SULT4A1: variants seen among roughly 807,000 people sequenced by gnomAD.
The protein encoded by SULT4A1 is sulfotransferase 4A1.
In SULT4A1, 11 loss-of-function variants were observed where a neutral mutation model predicts 35.2. The observed-to-expected ratio is 0.31, with a 90% CI of 0.20 to 0.52. The LOEUF is 0.52. Among genes scored for constraint, SULT4A1 ranks in the 20% least tolerant of loss-of-function variants. The pLI is 0.97. For synonymous variants in SULT4A1, 152 were observed against 151.8 expected (o/e 1.00, Z -0.01); for missense variants, 271 against 383.7 (o/e 0.71, Z 2.45).
rs543997899 is a variant in SULT4A1 at position 43,854,235 on chromosome 22, C to T, written c.169+7979G>A. On this transcript the variant is annotated intron_variant, in intron 1 of 6. Transcript: ENST00000330884. Reference sequence around the variant, plus strand: ...AAAGGTCCTGCTCTGACTCTGGGCACGACCATGTGACATGGCCAACAGAGA... The same window carrying T: ...AAAGGTCCTGCTCTGACTCTGGGCATGACCATGTGACATGGCCAACAGAGA... 1.8e-3 allele frequency among the ~76,000 whole-genome samples: 275 copies of T among 152,334 alleles called. 2 individuals are homozygous for T. Among genetic ancestry groups the T allele is most frequent in the Non-Finnish European group, 3.2e-3 (218 of 68,036 alleles).
At chr22:43,842,630 A>G (rs1318737966) in intron 1 of SULT4A1, among the ~76,000 whole-genome samples, 1 of 152,182 alleles carries the variant, frequency 6.6e-6, no homozygotes, top group Non-Finnish European at 1.5e-5. Context: ...AGCCCCACAG[A>G]CAGGATGTGA....
At chr22:43,834,395 GC>G (rs2063350830) in intron 4 of SULT4A1, among the ~76,000 whole-genome samples, 1 of 79,628 alleles carries the variant, frequency 1.3e-5, no homozygotes, top group African/African-American at 5.8e-5. Flanking sequence ...CGCCCCCACC[GC>G]TGCCCTGAGC....
At chr22:43,838,203 A>G (rs138072) in intron 4 of SULT4A1, among the ~76,000 whole-genome samples, 149,491 of 152,342 alleles carry the variant, frequency 0.98, 73,360 homozygotes, top group East Asian at 1. Flanking sequence ...GAGTGGGACC[A>G]AGACAAGAGG....
In SULT4A1 at chr22:43,832,301, T is replaced by C. The variant is rs180837603; in HGVS notation, c.603+1339A>G. ...CAGGCTCACCCAGCAGTCGGCTCCA[T>C]GGCGCGTGTGACCTTAGACCGCCAC... On this transcript the variant is annotated intron_variant, in intron 5 of 6. Coordinates refer to ENST00000330884, the MANE Select transcript of SULT4A1 (RefSeq NM_014351.4). 2.3e-4 allele frequency among the ~76,000 whole-genome samples: 35 copies of C among 152,264 alleles called. No homozygotes were observed. In the East Asian group the frequency reaches 5.6e-3, roughly 24 times the overall value.
At chr22:43,826,164 A>G (rs367617607) in intron 6 of SULT4A1, 51 bp from the exon 7 acceptor site, 2 of 1,608,410 alleles carry the variant, frequency 1.2e-6, no homozygotes, top group African/African-American at 1.3e-5. Flanking sequence ...CCGGCCAGCT[A>G]CTGAACTAAA....
At chr22:43,826,951 C>A in intron 6 of SULT4A1, 1 of 985,470 alleles carries the variant, frequency 1.0e-6, no homozygotes, top group Non-Finnish European at 1.2e-6. Flanking sequence ...CCGGTCTACG[C>A]TGGTTTATGA....
chr22:43,826,728 T>G (rs780041095), intron 6 of SULT4A1: 3 of 985,422 alleles, frequency 3.0e-6, no homozygotes, highest in Admixed American at 6.1e-5. Flanking sequence ...TGGCAAACCC[T>G]GGGGAGGAAT....
At chr22:43,841,506 G>A (rs907329352) in intron 2 of SULT4A1, among the ~76,000 whole-genome samples, 3 of 152,140 alleles carry the variant, frequency 2.0e-5, no homozygotes, top group Non-Finnish European at 2.9e-5. Flanking sequence ...GCCCCCAGGG[G>A]AAAGCGAGGG....
chr22:43,862,418 G>T lies in SULT4A1; in HGVS notation c.-36C>A, dbSNP rs770922357. On this transcript the variant is annotated 5_prime_UTR_variant, in exon 1 of 7. Coordinates refer to ENST00000330884, the MANE Select transcript of SULT4A1 (RefSeq NM_014351.4). ...TCGCCGTCGCCGCCGCCGCCTCCCG[G>T]CTCGCAGCCCGCACGCGCCCGCGCC... 5.5e-6 allele frequency: 6 copies of T among 1,084,948 alleles called. No homozygotes were observed. Among genetic ancestry groups the T allele is most frequent in the Non-Finnish European group, 6.7e-6 (6 of 890,732 alleles). 67.2% of individuals were successfully genotyped at this position (1,084,948 alleles called of 1,614,324 possible).
intron 4 of SULT4A1, 127 bp downstream of exon 4, chr22:43,838,740 G>A (rs1047271932): frequency 3.5e-5 from 45 of 1,294,218 alleles, no homozygotes; most frequent in Admixed American, 1.6e-4. Context: ...TAAAGTGACC[G>A]CGGGCCTGAC....
intron 1 of SULT4A1, among the ~76,000 whole-genome samples, chr22:43,854,579 G>A (rs1439393463): frequency 2.0e-5 from 3 of 152,166 alleles, no homozygotes; most frequent in South Asian, 2.1e-4. Context: ...CACCTGCAGC[G>A]CTGGTGAGGG....
chr22:43,847,077 C>T (rs535119173), intron 1 of SULT4A1, among the ~76,000 whole-genome samples: 8 of 152,236 alleles, frequency 5.3e-5, no homozygotes, highest in East Asian at 1.9e-4. Context: ...GCCCTGTCCC[C>T]GTGGCCCTTC....
chr22:43,831,580 T>A (rs1022855385), intron 5 of SULT4A1, among the ~76,000 whole-genome samples: 1 of 151,946 alleles, frequency 6.6e-6, no homozygotes, highest in African/African-American at 2.4e-5. Context: ...CAACACTGGA[T>A]GGATGAAGCG....
chr22:43,849,927 G>C (rs2148299421), intron 1 of SULT4A1, among the ~76,000 whole-genome samples: 1 of 152,342 alleles, frequency 6.6e-6, no homozygotes, highest in East Asian at 1.9e-4. Flanking sequence ...TGCGGGGCTG[G>C]TACAAAGTTT....
At chr22:43,858,049 C>CAAAAAAAAAAAAAAAAAAAGAAAGAAA (rs11362056) in intron 1 of SULT4A1, among the ~76,000 whole-genome samples, 1 of 91,766 alleles carries the variant, frequency 1.1e-5, no homozygotes, top group Non-Finnish European at 2.0e-5. Flanking sequence ...GATCCTGTCT[C>CAAAAAAAAAAAAAAAAAAAGAAAGAAA]AAAAAAAAAA....
At chr22:43,852,767 CAACTAGATGGGG>C (rs1452021000) in intron 1 of SULT4A1, among the ~76,000 whole-genome samples, 1 of 150,328 alleles carries the variant, frequency 6.7e-6, no homozygotes, top group African/African-American at 2.5e-5. Flanking sequence ...ACCCGGCTGG[CAACTAGATGGGG>C]AACCAAGACT....
At chr22:43,857,671 CAA>C (rs1353314556) in intron 1 of SULT4A1, among the ~76,000 whole-genome samples, 1 of 152,068 alleles carries the variant, frequency 6.6e-6, no homozygotes, top group African/African-American at 2.4e-5. Flanking sequence ...AAATCAAAGA[CAA>C]AGAGAAAACA....
chr22:43,859,296 G>A (rs533811289), intron 1 of SULT4A1, among the ~76,000 whole-genome samples: 1 of 152,226 alleles, frequency 6.6e-6, no homozygotes, highest in Non-Finnish European at 1.5e-5. Flanking sequence ...GCAAACTGAG[G>A]TTCAAAGAAA....
chr22:43,845,583 C>T (rs1397349706), intron 1 of SULT4A1, among the ~76,000 whole-genome samples: 1 of 152,096 alleles, frequency 6.6e-6, no homozygotes, highest in East Asian at 1.9e-4. Context: ...TGAACTGCTT[C>T]CTACGAGGGC....
Sources: allele counts gnomAD v4.1 joint callset (sites outside exome capture counted in the v4.1 genomes callset), GRCh38; gene constraint gnomAD v4.1.1; transcripts MANE v1.5; gene names NCBI Gene and HGNC (gene_info 2026-07-23, HGNC 2026-07-21).